The following CCSER1 variants were observed in gnomAD, a reference collection of about 807,000 sequenced individuals.
CCSER1 encodes the protein serine-rich coiled-coil domain-containing protein 1.
CCSER1 carries 41 observed loss-of-function variants against 82.0 expected under a neutral mutation model. The observed-to-expected ratio is 0.50, with a 90% CI of 0.39 to 0.65. The LOEUF (loss-of-function observed/expected upper bound fraction) is 0.65. Among genes scored for constraint, CCSER1 ranks in the 30% least tolerant of loss-of-function variants. The pLI is 0.00. For synonymous variants in CCSER1, 414 were observed against 383.9 expected, an observed-to-expected ratio of 1.08 and a Z score of -0.92; for missense variants, 1,119 against 1,064.2, an observed-to-expected ratio of 1.05 and a Z score of -0.72.
At chr4:90,766,472 A>C (rs1214237071) in intron 7 of CCSER1, among the ~76,000 whole-genome samples, 1 of 152,090 alleles carries the variant, frequency 6.6e-6, no homozygotes, top group Non-Finnish European at 1.5e-5. Context: ...TAGTGAATAT[A>C]CAAAGAATAT....
chr4:91,160,765 T>A (rs956073662), intron 10 of CCSER1, among the ~76,000 whole-genome samples: 1 of 152,150 alleles, frequency 6.6e-6, no homozygotes. Context: ...GTTTTTTTTG[T>A]AAATTTGTTT....
At chr4:91,378,745 T>C in intron 10 of CCSER1, among the ~76,000 whole-genome samples, 1 of 152,154 alleles carries the variant, frequency 6.6e-6, no homozygotes, top group South Asian at 2.1e-4. Flanking sequence ...CCTTTAATTC[T>C]TTCTCCTGCC....
At chr4:90,461,167 G>T (rs1039691280) in intron 4 of CCSER1, among the ~76,000 whole-genome samples, 2 of 122,798 alleles carry the variant, frequency 1.6e-5, no homozygotes. Flanking sequence ...CCGGGTTCAC[G>T]CCATTCTCCT....
At chr4:91,562,872 C>G (rs1578797246) in intron 10 of CCSER1, among the ~76,000 whole-genome samples, 1 of 151,530 alleles carries the variant, frequency 6.6e-6, no homozygotes, top group African/African-American at 2.4e-5. Context: ...TATTATGAGA[C>G]AAATTACATA....
intron 6 of CCSER1, 39 bp from the exon 7 acceptor site, chr4:90,723,875 A>G (rs58652679): frequency 0.024 from 27,053 of 1,117,236 alleles, 1,325 homozygotes; most frequent in African/African-American, 0.19. Context: ...AATGACTACA[A>G]AACAATCCTA....
At chr4:90,240,240 CCTGTAGTGGA>C (rs1014617909) in intron 1 of CCSER1, among the ~76,000 whole-genome samples, 6 of 152,032 alleles carry the variant, frequency 3.9e-5, no homozygotes, top group Non-Finnish European at 7.4e-5. Flanking sequence ...GAGTATGGGG[CCTGTAGTGGA>C]CTCAGTAGGA....
rs553287164 is a variant in CCSER1, at chr4:91,154,599, C to T, written c.2217+68605C>T. 3.6e-4 allele frequency among the ~76,000 whole-genome samples: 55 copies of T among 152,134 alleles called. 1 individual carries two copies. The South Asian group carries it at 0.011, about 30-fold the overall frequency. ...CTCAGTTGAAAATGCAGGAATCACCCATCTTCTGCATCACTCACGCTGGGA... is the reference window on the plus strand; with the variant it reads ...CTCAGTTGAAAATGCAGGAATCACCTATCTTCTGCATCACTCACGCTGGGA... On this transcript the variant is annotated intron_variant, in intron 10 of 10. Coordinates refer to ENST00000509176, the MANE Select transcript of CCSER1 (RefSeq NM_001145065.2).
intron 9 of CCSER1, among the ~76,000 whole-genome samples, chr4:90,960,234 T>C (rs768617758): frequency 3.3e-5 from 5 of 152,140 alleles, no homozygotes; most frequent in Non-Finnish European, 7.4e-5. Context: ...TCATGAAGCA[T>C]AGTTCAAGAA....
chr4:91,264,563 A>G (rs17018293), intron 10 of CCSER1, among the ~76,000 whole-genome samples: 6,450 of 152,036 alleles, frequency 0.042, 201 homozygotes, highest in African/African-American at 0.084. Context: ...TATTTTTCCC[A>G]TGAAACACTC....
Position 90,308,724 on chromosome 4 carries a change from T to C in CCSER1, c.440T>C (p.Val147Ala). 6.2e-7 allele frequency: 1 copy of C among 1,613,690 alleles called. No homozygotes were observed. The highest frequency in any genetic ancestry group is 2.2e-5 in the East Asian group (1 of 44,862). ...AAAGAGCACTCAACTAACAAGAATGTCTTTATAAATTGTCTAAGTTCTGGC... is the reference window on the plus strand; with the variant it reads ...AAAGAGCACTCAACTAACAAGAATGCCTTTATAAATTGTCTAAGTTCTGGC... ...REKEHSTNKNVFINCLSSGKS... is the reference protein window; with the variant it reads ...REKEHSTNKNAFINCLSSGKS... The change falls in exon 2 of 11, where the codon GTC (valine) becomes GCC (alanine). Residue 147 changes from valine (V) to alanine (A), a missense_variant. Coordinates refer to ENST00000509176, the MANE Select transcript of CCSER1 (RefSeq NM_001145065.2).
chr4:90,920,895 A>T (rs991858703), intron 8 of CCSER1, among the ~76,000 whole-genome samples: 4 of 151,920 alleles, frequency 2.6e-5, no homozygotes, highest in African/African-American at 9.7e-5. Context: ...ACTGAAATAA[A>T]CTGATAATAA....
chr4:90,265,110 A>G lies in CCSER1; in HGVS notation c.-41-43134A>G, dbSNP rs16996221. ...AATTTTGCGAGATACAGACCTTTAT[A>G]GAGTGTGTTGAAGGGAAGAGTGTAT... On this transcript the variant is annotated intron_variant, in intron 1 of 10. Transcript: ENST00000509176. Among the ~76,000 whole-genome samples, 320 of 151,994 alleles carry G rather than the reference A, an allele frequency of 2.1e-3. 1 individual carries two copies. The highest frequency in any genetic ancestry group is 4.1e-3 in the Non-Finnish European group (276 of 67,856).
At chr4:90,232,715 A>G (rs1481352441) in intron 1 of CCSER1, among the ~76,000 whole-genome samples, 1 of 145,732 alleles carries the variant, frequency 6.9e-6, no homozygotes, top group Non-Finnish European at 1.5e-5. Flanking sequence ...AATTTTCACA[A>G]CCTACTCATC....
At chr4:90,200,000 T>A (rs1737355216) in intron 1 of CCSER1, among the ~76,000 whole-genome samples, 1 of 151,662 alleles carries the variant, frequency 6.6e-6, no homozygotes, top group African/African-American at 2.4e-5. Context: ...ATTACATTAT[T>A]AACATTTCCT....
In CCSER1 at chr4:91,290,753, C is replaced by T. The variant is rs1279599068; in HGVS notation, c.2217+204759C>T. ...TGTTTGAAACTCAACATTAATTTTACATTGTCATATGTGCTAACTAAACTT... is the reference window on the plus strand; with the variant it reads ...TGTTTGAAACTCAACATTAATTTTATATTGTCATATGTGCTAACTAAACTT... On this transcript the variant is annotated intron_variant, in intron 10 of 10. Coordinates refer to ENST00000509176, the MANE Select transcript of CCSER1 (RefSeq NM_001145065.2). 9.9e-5 allele frequency among the ~76,000 whole-genome samples: 15 copies of T among 152,018 alleles called. No individual in the cohort carries two copies. In the East Asian group the frequency reaches 2.7e-3, roughly 28 times the overall value.
intron 1 of CCSER1, among the ~76,000 whole-genome samples, chr4:90,164,025 G>A (rs1729978482): frequency 1.3e-5 from 2 of 152,078 alleles, no homozygotes; most frequent in Non-Finnish European, 2.9e-5. Flanking sequence ...CTGGGTGTTT[G>A]CTGCTGTCTT....
chr4:90,939,734 T>C (rs955263044), intron 9 of CCSER1, among the ~76,000 whole-genome samples: 1 of 152,130 alleles, frequency 6.6e-6, no homozygotes, highest in Non-Finnish European at 1.5e-5. Context: ...TTATGTAACA[T>C]GTATTATGAA....
At chr4:90,130,133 A>G (rs1045773796) in intron 1 of CCSER1, among the ~76,000 whole-genome samples, 5 of 152,198 alleles carry the variant, frequency 3.3e-5, no homozygotes, top group African/African-American at 1.2e-4. Flanking sequence ...TCAACCCTTT[A>G]TTGCATTTTA....
chr4:90,731,530 A>T (rs990853447), intron 7 of CCSER1, among the ~76,000 whole-genome samples: 1 of 152,212 alleles, frequency 6.6e-6, no homozygotes, highest in African/African-American at 2.4e-5. Flanking sequence ...TGATTCATTA[A>T]TACATAGGTG....
Sources: gnomAD v4.1 joint callset for allele counts (sites outside exome capture counted in the v4.1 genomes callset) on GRCh38, gnomAD v4.1.1 for gene constraint, MANE v1.5 for transcripts, NCBI Gene and HGNC (gene_info 2026-07-23, HGNC 2026-07-21) for gene names.